The following NPFFR2 variants were observed in gnomAD, a reference collection of about 807,000 sequenced individuals.
NPFFR2 encodes the protein G-protein coupled receptor 74.
In NPFFR2, 15 loss-of-function variants were observed where a neutral mutation model predicts 13.1. That is an observed-to-expected ratio of 1.15 (90% confidence interval 0.77 to 1.76). The LOEUF (loss-of-function observed/expected upper bound fraction) is 1.76, where lower values mean the gene tolerates loss of function less well. Ranked by LOEUF, NPFFR2 falls within the 40% of genes most tolerant of loss-of-function variation. The probability of loss-of-function intolerance (pLI) is 0.00; values close to 1 mark genes in which losing one functional copy is unlikely to be tolerated. For synonymous variants in NPFFR2, 190 were observed against 175.7 expected, an observed-to-expected ratio of 1.08 and a Z score of -0.65; for missense variants, 572 against 503.5, an observed-to-expected ratio of 1.14 and a Z score of -1.30.
intron 1 of NPFFR2, among the ~76,000 whole-genome samples, chr4:72,066,062 GT>G (rs1460431174): frequency 2.0e-5 from 3 of 152,192 alleles, no homozygotes; most frequent in Non-Finnish European, 4.4e-5. Flanking sequence ...ACAGAAATTT[GT>G]TTTCCCATAG....
At chr4:72,042,183 A>C (rs1719240294) in intron 1 of NPFFR2, among the ~76,000 whole-genome samples, 2 of 152,216 alleles carry the variant, frequency 1.3e-5, no homozygotes, top group African/African-American at 4.8e-5. Flanking sequence ...TGGCTTTATA[A>C]GGGGCTTTTC....
intron 1 of NPFFR2, among the ~76,000 whole-genome samples, chr4:72,034,576 G>A (rs1470223730): frequency 3.3e-5 from 5 of 151,994 alleles, no homozygotes; most frequent in South Asian, 2.1e-4. Flanking sequence ...ATGGGGACAC[G>A]GCCAAACTAT....
intron 1 of NPFFR2, among the ~76,000 whole-genome samples, chr4:72,087,536 A>C (rs1395657618): frequency 7.7e-6 from 1 of 130,648 alleles, no homozygotes; most frequent in Non-Finnish European, 1.7e-5. Context: ...TCTAAGCATT[A>C]ATACATGATG....
chr4:72,085,713 T>C (rs1720747629), intron 1 of NPFFR2, among the ~76,000 whole-genome samples: 1 of 152,170 alleles, frequency 6.6e-6, no homozygotes, highest in African/African-American at 2.4e-5. Context: ...ATGCTAGTTA[T>C]GTAATTTTTA....
rs192320241 is a variant in NPFFR2, at chr4:72,080,224, G to C, written c.-8+48024G>C. ...CTGTCACCCAGGCCGGAGTGCAGTG[G>C]TGCAATCTCCGCTCACTGCAACCTC... On this transcript the variant is annotated intron_variant, in intron 1 of 3. Transcript: ENST00000308744. Among the ~76,000 whole-genome samples, 41 of 151,892 alleles carry C rather than the reference G, an allele frequency of 2.7e-4. 1 individual carries two copies. Among genetic ancestry groups the C allele is most frequent in the East Asian group, 2.5e-3 (13 of 5,148 alleles).
At chr4:72,137,896 G>A in intron 2 of NPFFR2, 144 bp from the exon 3 acceptor site, 1 of 637,444 alleles carries the variant, frequency 1.6e-6, no homozygotes, top group Non-Finnish European at 2.8e-6. Flanking sequence ...AGATATTAGG[G>A]GAAATACTGA....
chr4:72,137,929 T>C lies in NPFFR2; in HGVS notation c.329-111T>C, dbSNP rs144631576. 271 of 744,896 alleles carry C rather than the reference T, an allele frequency of 3.6e-4. 1 individual carries two copies. In the African/African-American group the frequency reaches 4.5e-3, roughly 12 times the overall value. 46.1% of individuals were successfully genotyped at this position (744,896 alleles called of 1,614,324 possible). A position where few individuals can be genotyped will look rare whatever the true frequency, so the allele number is the denominator to read the frequency against. Reference sequence around the variant, plus strand: ...TGAGAAACATTGATTTTTCTCTGCCTATCATGTAGAAAACAGTTACATTAG... The same window carrying C: ...TGAGAAACATTGATTTTTCTCTGCCCATCATGTAGAAAACAGTTACATTAG... On this transcript the variant is annotated intron_variant, in intron 2 of 3. Transcript: ENST00000308744.
chr4:72,142,297 A>T lies in NPFFR2; in HGVS notation c.428+4158A>T, dbSNP rs148057118. ...CGTTATATTTGAATTTGATCCTGTC[A>T]TTGGCGAGAGTGTCCCGATTTTCCA... is the stretch of plus-strand genomic sequence containing the variant. On this transcript the variant is annotated intron_variant, in intron 3 of 3. Transcript: ENST00000308744. Among the ~76,000 whole-genome samples, 1,488 of 152,244 alleles carry T rather than the reference A, an allele frequency of 9.8e-3. 32 individuals carry two copies. Among genetic ancestry groups the T allele is most frequent in the African/African-American group, 0.033 (1,391 of 41,546 alleles).
intron 1 of NPFFR2, among the ~76,000 whole-genome samples, chr4:72,068,736 A>T (rs908267688): frequency 3.3e-5 from 5 of 152,214 alleles, no homozygotes; most frequent in Non-Finnish European, 5.9e-5. Flanking sequence ...GAAGGGGATT[A>T]GCAGATGGAT....
At chr4:72,091,822 G>A (rs1179703653) in intron 1 of NPFFR2, among the ~76,000 whole-genome samples, 1 of 151,682 alleles carries the variant, frequency 6.6e-6, no homozygotes, top group Non-Finnish European at 1.5e-5. Flanking sequence ...TTTTGTTGTT[G>A]TTTCTATTTC....
chr4:72,050,027 C>T (rs1180136324), intron 1 of NPFFR2, among the ~76,000 whole-genome samples: 1 of 152,034 alleles, frequency 6.6e-6, no homozygotes, highest in African/African-American at 2.4e-5. Context: ...ATTTTTAGCA[C>T]TCCCATCCAA....
intron 1 of NPFFR2, among the ~76,000 whole-genome samples, chr4:72,037,583 A>G (rs1030305749): frequency 1.3e-5 from 2 of 152,268 alleles, no homozygotes; most frequent in Admixed American, 1.3e-4. Flanking sequence ...CTCTCTCAGC[A>G]GAGTTCGTAG....
At chr4:72,056,442 A>T (rs1472386563) in intron 1 of NPFFR2, among the ~76,000 whole-genome samples, 13 of 152,026 alleles carry the variant, frequency 8.6e-5, no homozygotes, top group African/African-American at 3.1e-4. Flanking sequence ...TTTACAATGC[A>T]CCTGGTCACT....
intron 1 of NPFFR2, among the ~76,000 whole-genome samples, chr4:72,108,687 A>T (rs570347845): frequency 1.4e-4 from 21 of 152,170 alleles, no homozygotes; most frequent in African/African-American, 4.3e-4. Context: ...CAAATCAACA[A>T]GATTTTAACT....
chr4:72,114,300 A>G (rs6446815), intron 1 of NPFFR2, among the ~76,000 whole-genome samples: 142,423 of 152,206 alleles, frequency 0.94, 67,280 homozygotes, highest in East Asian at 1. Context: ...TCCTGTGACT[A>G]CTTCCATCCA....
intron 3 of NPFFR2, among the ~76,000 whole-genome samples, 198 bp downstream of exon 3, chr4:72,138,337 G>A (rs1722484448): frequency 6.6e-6 from 1 of 152,086 alleles, no homozygotes; most frequent in Non-Finnish European, 1.5e-5. Context: ...ATGTATACAT[G>A]TGCCATGTTG....
Position 72,147,258 on chromosome 4 carries a change from A to G in NPFFR2, c.709A>G (p.Ile237Val), listed in dbSNP as rs1409347037. ...CCTGGCTCCCCTCTCCCTCATTGTC[A>G]TCATGTATGGAAGGATTGGAATTTC... ...IYLAPLSLIV[I>V]MYGRIGISLF... The change falls in exon 4 of 4, where the codon ATC becomes GTC. Residue 237 changes from isoleucine (I) to valine (V), a missense_variant. Physicochemically the swap from Ile to Val is conservative, Grantham distance 29. Coordinates refer to ENST00000308744, the MANE Select transcript of NPFFR2 (RefSeq NM_004885.3). 1.2e-6 allele frequency: 2 copies of G among 1,614,110 alleles called. No homozygotes were observed. Among genetic ancestry groups the G allele is most frequent in the Non-Finnish European group, 1.7e-6 (2 of 1,180,020 alleles).
At chr4:72,142,574 A>C (rs1418997866) in intron 3 of NPFFR2, among the ~76,000 whole-genome samples, 1 of 152,198 alleles carries the variant, frequency 6.6e-6, no homozygotes, top group Non-Finnish European at 1.5e-5. Context: ...ACGGAACCTG[A>C]GAATATCTAC....
rs1721106677 is a variant in NPFFR2, at chr4:72,097,517, C to T, written c.-7-31068C>T. ...TAATAAAATTGGTCTGTGAGTAATG[C>T]CTTAAAATATGGACTTTATAGTAAA... is the stretch of plus-strand genomic sequence containing the variant. On this transcript the variant is annotated intron_variant, in intron 1 of 3. Coordinates refer to ENST00000308744, the MANE Select transcript of NPFFR2 (RefSeq NM_004885.3). 2.0e-5 allele frequency among the ~76,000 whole-genome samples: 3 copies of T among 152,122 alleles called. No individual in the cohort carries two copies. In the South Asian group the frequency reaches 6.2e-4, roughly 32 times the overall value.
Sources: gnomAD v4.1 joint callset for allele counts (sites outside exome capture counted in the v4.1 genomes callset) on GRCh38, gnomAD v4.1.1 for gene constraint, MANE v1.5 for transcripts, NCBI Gene and HGNC (gene_info 2026-07-23, HGNC 2026-07-21) for gene names.